MYO10: variants seen among roughly 807,000 people sequenced by gnomAD.
MYO10 encodes unconventional myosin-X.
In MYO10, 133 loss-of-function variants were observed where a neutral mutation model predicts 257.3. The ratio of observed to expected loss-of-function variants is 0.52; its 90% confidence interval spans 0.45 to 0.60. MYO10 has a LOEUF of 0.60. MYO10 is among the 20% of genes least tolerant of loss of function. The pLI, the probability that MYO10 is intolerant of heterozygous loss-of-function variation, is 0.00. For missense variants in MYO10, 2,399 were observed against 2,635.7 expected, an observed-to-expected ratio of 0.91 and a Z score of 1.97; for synonymous variants, 1,104 against 1,028.6, an observed-to-expected ratio of 1.07 and a Z score of -1.40.
At position 16,676,032 on chromosome 5, in the gene MYO10, G is replaced by A. The variant is rs1736705993; in HGVS notation, c.4665C>T (p.Asn1555=). The change falls in exon 34 of 41, where the codon AAC becomes AAT. Residue 1555 remains asparagine, a splice_region_variant and synonymous_variant. Transcript: ENST00000513610. ...GTCGGGGTGGAGCTCTGGACTTACA[G>A]TTGAGATTTATGTCCCCATACGGAA... ...LPLPYGDINL[N]LLKDKGYTTL... is the part of the protein sequence containing the mutation. 6.2e-7 allele frequency: 1 copy of A among 1,607,634 alleles called. No individual in the cohort carries two copies.
At chr5:16,871,662 C>A (rs759348291) in intron 2 of MYO10, among the ~76,000 whole-genome samples, 39 of 152,082 alleles carry the variant, frequency 2.6e-4, no homozygotes, top group Non-Finnish European at 2.8e-4. Flanking sequence ...GTCCTAGGCA[C>A]CAGAACCAGT....
intron 1 of MYO10, among the ~76,000 whole-genome samples, chr5:16,918,505 T>TC (rs200729752): frequency 1.5e-5 from 2 of 131,412 alleles, no homozygotes; most frequent in South Asian, 2.3e-4. Context: ...CTTTTCTTTT[T>TC]TTTTTTTTTT....
chr5:16,754,927 G>A lies in MYO10; in HGVS notation c.1849-19C>T, dbSNP rs377515353. The A allele has an allele frequency of 2.1e-5, 32 of 1,495,520 alleles. No individual in the cohort carries two copies. The African/African-American group carries it at 3.3e-4, about 16-fold the overall frequency. The allele number at this position is 1,495,520 out of a possible 1,614,324, so 92.6% of individuals were successfully genotyped here. A position where few individuals can be genotyped will look rare whatever the true frequency, so the allele number is the denominator to read the frequency against. On this transcript the variant is annotated intron_variant, in intron 18 of 40. Transcript: ENST00000513610. ...GTGAGTCCTATTAGAAAAAGTATAT[G>A]TTGATTTAGTCTCTTATTATGTCAT...
chr5:16,930,626 G>A (rs1167659079), intron 1 of MYO10, among the ~76,000 whole-genome samples: 1 of 152,202 alleles, frequency 6.6e-6, no homozygotes, highest in Non-Finnish European at 1.5e-5. Context: ...TCAAAGTACA[G>A]TTACTGTGAC....
intron 19 of MYO10, among the ~76,000 whole-genome samples, chr5:16,715,853 C>G (rs1050648435): frequency 2.0e-5 from 3 of 151,994 alleles, no homozygotes; most frequent in African/African-American, 7.3e-5. Flanking sequence ...GTCAGCAGTT[C>G]GAGACCAGCC....
At chr5:16,674,586 T>C (rs1264651365) in intron 35 of MYO10, among the ~76,000 whole-genome samples, 1 of 150,224 alleles carries the variant, frequency 6.7e-6, no homozygotes, top group Non-Finnish European at 1.5e-5. Flanking sequence ...TTTTTAAATA[T>C]AGAGCAGTGG....
At chr5:16,739,977 GA>G (rs1043854247) in intron 19 of MYO10, among the ~76,000 whole-genome samples, 4 of 152,140 alleles carry the variant, frequency 2.6e-5, no homozygotes, top group Non-Finnish European at 2.9e-5. Context: ...GAGGGTCATA[GA>G]AAGAACTTGC....
intron 1 of MYO10, among the ~76,000 whole-genome samples, chr5:16,907,619 C>T (rs1278494461): frequency 6.6e-6 from 1 of 152,184 alleles, no homozygotes; most frequent in Non-Finnish European, 1.5e-5. Context: ...AAATATTTTT[C>T]ATTACAGGAT....
chr5:16,873,944 T>G (rs2126758716), intron 2 of MYO10, among the ~76,000 whole-genome samples: 2 of 152,210 alleles, frequency 1.3e-5, no homozygotes, highest in Admixed American at 6.5e-5. Context: ...GTCTCTGATA[T>G]GGCCTGGAGA....
At chr5:16,689,749 T>C in intron 28 of MYO10, 75 bp downstream of exon 28, 1 of 1,242,248 alleles carries the variant, frequency 8.0e-7, no homozygotes, top group Non-Finnish European at 1.2e-6. Flanking sequence ...CAGTAAACAG[T>C]GCTCTGTGTG....
intron 21 of MYO10, among the ~76,000 whole-genome samples, chr5:16,707,367 T>G (rs1738393789): frequency 6.6e-6 from 1 of 152,190 alleles, no homozygotes. Context: ...ACCTAGTGAC[T>G]GGGAATGTGG....
Position 16,923,663 on chromosome 5 carries a change from TACACACACACAC to T in MYO10, c.21+12113_21+12124del, listed in dbSNP as rs60949830. Among the ~76,000 whole-genome samples the T allele has an allele frequency of 8.2e-3, 1,160 of 140,722 alleles. 3 individuals are homozygous for T. Among genetic ancestry groups the T allele is most frequent in the Non-Finnish European group, 0.011 (712 of 64,222 alleles). The allele number at this position is 140,722 out of a possible 152,430, so 92.3% of individuals were successfully genotyped here. Reference sequence around the variant, plus strand: ...AAATAATAAGCCTTAAACACGCCCATACACACACACACACACACACACACACACACACTCCCT... The same window carrying T: ...AAATAATAAGCCTTAAACACGCCCATACACACACACACACACACACTCCCT... On this transcript the variant is annotated intron_variant, in intron 1 of 40. Transcript: ENST00000513610.
intron 17 of MYO10, among the ~76,000 whole-genome samples, chr5:16,759,042 C>T (rs1271295675): frequency 6.6e-6 from 1 of 152,028 alleles, no homozygotes; most frequent in East Asian, 1.9e-4. Flanking sequence ...CTGCTTCAGC[C>T]TTCTGAGTAG....
Position 16,780,586 on chromosome 5 carries a change from G to T in MYO10, c.764C>A (p.Pro255His). Reference sequence around the variant, plus strand: ...AAATATGTGATAATTCCTTTCCCCGGGATTTTGCCTTACTACTCGGTTCTG... The same window carrying T: ...AAATATGTGATAATTCCTTTCCCCGTGATTTTGCCTTACTACTCGGTTCTG... Reference protein sequence around the residue: ...LEKNRVVRQNPGERNYHIFYA... With the variant: ...LEKNRVVRQNHGERNYHIFYA... The change falls in exon 8 of 41, where the codon CCC becomes CAC. Residue 255 changes from proline to histidine, a missense_variant. By Grantham distance (77) the Pro-to-His change is moderately conservative. Coordinates refer to ENST00000513610, the MANE Select transcript of MYO10 (RefSeq NM_012334.3). The T allele has an allele frequency of 6.3e-7, 1 of 1,579,912 alleles. No homozygotes were observed. The highest frequency in any genetic ancestry group is 2.3e-5 in the East Asian group (1 of 43,990).
chr5:16,675,471 C>T (rs1736681256), intron 34 of MYO10, among the ~76,000 whole-genome samples: 1 of 152,174 alleles, frequency 6.6e-6, no homozygotes, highest in African/African-American at 2.4e-5. Flanking sequence ...GGTGCAATGG[C>T]TCACACCTGT....
Position 16,762,115 on chromosome 5 carries a change from T to TAAAAAAAAAAAAAAA in MYO10, c.1588-17_1588-3dup, listed in dbSNP as rs746751894. ...GGGCTTCACATAAAAGTGGTTATTC[T>TAAAAAAAAAAAAAAA]AAAAAAAAAAAAAAAAAAAAAAAAA... On this transcript the variant is annotated splice_polypyrimidine_tract_variant and splice_region_variant and intron_variant, in intron 15 of 40. Transcript: ENST00000513610. 8.8e-6 allele frequency: 5 copies of TAAAAAAAAAAAAAAA among 567,590 alleles called. No individual in the cohort carries two copies. In the African/African-American group the frequency reaches 1.3e-4, roughly 15 times the overall value. 35.2% of individuals were successfully genotyped at this position (567,590 alleles called of 1,614,324 possible). A position where few individuals can be genotyped will look rare whatever the true frequency, so the allele number is the denominator to read the frequency against.
At chr5:16,757,149 G>A (rs951648269) in intron 18 of MYO10, among the ~76,000 whole-genome samples, 5 of 149,902 alleles carry the variant, frequency 3.3e-5, no homozygotes, top group African/African-American at 1.2e-4. Context: ...AAAAAGTCGG[G>A]TGTAGTGGCT....
chr5:16,744,002 G>A (rs116229377), intron 19 of MYO10, among the ~76,000 whole-genome samples: 2,801 of 152,158 alleles, frequency 0.018, 67 homozygotes, highest in African/African-American at 0.063. Context: ...ATTTTTTAAT[G>A]TTCTTTAAAA....
chr5:16,728,305 G>T (rs1176060229), intron 19 of MYO10, among the ~76,000 whole-genome samples: 1 of 151,968 alleles, frequency 6.6e-6, no homozygotes, highest in Non-Finnish European at 1.5e-5. Context: ...CTCCTTCTGC[G>T]GGCTGCCCTC....
Sources: gnomAD v4.1 joint callset for allele counts (sites outside exome capture counted in the v4.1 genomes callset) on GRCh38, gnomAD v4.1.1 for gene constraint, MANE v1.5 for transcripts, NCBI Gene and HGNC (gene_info 2026-07-23, HGNC 2026-07-21) for gene names.